GFRA2: variants seen among roughly 807,000 people sequenced by gnomAD.
The protein encoded by GFRA2 is GDNF family receptor alpha-2.
A neutral mutation model predicts 48.3 loss-of-function variants in GFRA2; 17 were observed. The observed-to-expected ratio is 0.35, with a 90% CI of 0.24 to 0.53. The LOEUF is 0.53. GFRA2 is among the 20% of genes least tolerant of loss of function. The pLI, the probability that GFRA2 is intolerant of heterozygous loss-of-function variation, is 0.93. For synonymous variants in GFRA2, 305 were observed against 257.2 expected, an observed-to-expected ratio of 1.19 and a Z score of -1.78; for missense variants, 660 against 637.3, an observed-to-expected ratio of 1.04 and a Z score of -0.38.
chr8:21,740,384 G>A lies in GFRA2; in HGVS notation c.794+10204C>T, dbSNP rs150029430. On this transcript the variant is annotated intron_variant, in intron 4 of 8. Transcript: ENST00000524240. The stretch of plus-strand genomic sequence containing the variant: ...AACTGGCCAACATTTCTCTAGCCCC[G>A]ATCAGGTTTCCGTAATCACCAATCC... Among the ~76,000 whole-genome samples the A allele has an allele frequency of 2.6e-3, 400 of 152,222 alleles. 2 individuals are homozygous for A. Among genetic ancestry groups the A allele is most frequent in the Middle Eastern group, 6.8e-3 (2 of 294 alleles).
At chr8:21,792,061 TA>T (rs1807582437), upstream of GFRA2, among the ~76,000 whole-genome samples, 2 of 152,122 alleles carry the variant, frequency 1.3e-5, no homozygotes, top group African/African-American at 2.4e-5. Context: ...TCACAGATCC[TA>T]GAGTCCAAAT....
intron 3 of GFRA2, among the ~76,000 whole-genome samples, chr8:21,767,688 G>A (rs1259716273): frequency 6.8e-6 from 1 of 146,836 alleles, no homozygotes; most frequent in Admixed American, 6.8e-5. Context: ...CAGGCAGGTG[G>A]CTCCCTGGAA....
chr8:21,781,177 G>T (rs1427492751), intron 2 of GFRA2, among the ~76,000 whole-genome samples: 2 of 152,040 alleles, frequency 1.3e-5, no homozygotes, highest in Admixed American at 1.3e-4. Flanking sequence ...AACTGTTCCT[G>T]GCCTGTATCA....
chr8:21,783,772 G>GC (rs1807131858), intron 1 of GFRA2, among the ~76,000 whole-genome samples: 1 of 151,064 alleles, frequency 6.6e-6, no homozygotes, highest in Non-Finnish European at 1.5e-5. Flanking sequence ...TGCCCCCCGC[G>GC]CCCCCTGCTC....
chr8:21,700,786 T>G (rs989730131), intron 7 of GFRA2, among the ~76,000 whole-genome samples: 1 of 152,070 alleles, frequency 6.6e-6, no homozygotes, highest in Non-Finnish European at 1.5e-5. Flanking sequence ...ACCTTGCCTC[T>G]CCCTCTAGGG....
At chr8:21,778,507 C>T (rs1398972687) in intron 2 of GFRA2, among the ~76,000 whole-genome samples, 1 of 152,258 alleles carries the variant, frequency 6.6e-6, no homozygotes, top group Non-Finnish European at 1.5e-5. Context: ...ACAGGGAACA[C>T]AGTTCCTACA....
chr8:21,701,997 T>G (rs1464368499), intron 7 of GFRA2, among the ~76,000 whole-genome samples: 1 of 152,056 alleles, frequency 6.6e-6, no homozygotes, highest in Non-Finnish European at 1.5e-5. Context: ...AGGCTCAGGA[T>G]GAAGGGTGCA....
At chr8:21,806,978 A>G (rs1807884697) in intron 1 of GFRA2, among the ~76,000 whole-genome samples, 1 of 152,146 alleles carries the variant, frequency 6.6e-6, no homozygotes, top group African/African-American at 2.4e-5. Context: ...CTTCCTAAAA[A>G]CAGAAACCAT....
chr8:21,708,400 A>G (rs961200228), intron 4 of GFRA2, among the ~76,000 whole-genome samples: 2 of 152,212 alleles, frequency 1.3e-5, no homozygotes, highest in African/African-American at 4.8e-5. Context: ...GGGAGTCTCC[A>G]TTCATGTCCC....
chr8:21,753,659 A>G (rs528583234), intron 3 of GFRA2, among the ~76,000 whole-genome samples: 510 of 152,340 alleles, frequency 3.3e-3, no homozygotes, highest in Non-Finnish European at 4.9e-3. Flanking sequence ...AAAATAATGT[A>G]AAGTATCTCA....
intron 8 of GFRA2, 150 bp downstream of exon 8, chr8:21,694,314 G>A (rs1262622603): frequency 2.8e-6 from 2 of 713,620 alleles, no homozygotes; most frequent in Admixed American, 4.8e-5. Flanking sequence ...CCCCACCCCA[G>A]CAGAGTAAGT....
intron 4 of GFRA2, among the ~76,000 whole-genome samples, chr8:21,730,881 A>C (rs146493689): frequency 2.6e-5 from 4 of 152,274 alleles, no homozygotes; most frequent in South Asian, 4.1e-4. Flanking sequence ...ACAGAATTTG[A>C]GATAAGTATT....
chr8:21,775,222 C>T (rs375862234), intron 2 of GFRA2, among the ~76,000 whole-genome samples, 167 bp from the exon 3 acceptor site: 1,713 of 152,328 alleles, frequency 0.011, 27 homozygotes, highest in African/African-American at 0.038. Flanking sequence ...GACCAGGGCA[C>T]ATTAGCAACG....
At chr8:21,783,695 C>G (rs1296252410) in intron 1 of GFRA2, among the ~76,000 whole-genome samples, 1 of 151,968 alleles carries the variant, frequency 6.6e-6, no homozygotes, top group African/African-American at 2.4e-5. Flanking sequence ...TCTCCTCTTC[C>G]GAGAGACAAG....
chr8:21,810,469 A>G (rs1807957800), intron 1 of GFRA2, among the ~76,000 whole-genome samples: 1 of 152,100 alleles, frequency 6.6e-6, no homozygotes, highest in African/African-American at 2.4e-5. Context: ...ATCTATGACC[A>G]CTTGGTGCCA....
At chr8:21,708,962 T>A (rs1389874333) in intron 4 of GFRA2, among the ~76,000 whole-genome samples, 1 of 152,212 alleles carries the variant, frequency 6.6e-6, no homozygotes, top group East Asian at 1.9e-4. Context: ...AAGACTTCAC[T>A]GTTTGCTTTG....
intron 3 of GFRA2, among the ~76,000 whole-genome samples, chr8:21,752,080 G>T (rs544125695): frequency 6.6e-6 from 1 of 152,124 alleles, no homozygotes; most frequent in African/African-American, 2.4e-5. Context: ...GCCTTTGTAA[G>T]CATGAATGAG....
At position 21,702,893 on chromosome 8, in the gene GFRA2, C is replaced by T. The variant is rs767618343; in HGVS notation, c.1130G>A (p.Arg377Gln). Residue 377 changes from arginine (R) to glutamine (Q), a missense_variant, in exon 7 of 9, where the codon CGG (arginine) becomes CAG (glutamine). Coordinates refer to ENST00000524240, the MANE Select transcript of GFRA2 (RefSeq NM_001495.5). ...GPSFQATQAPRVEKTPSLPDD... is the reference protein window; with the variant it reads ...GPSFQATQAPQVEKTPSLPDD... Reference sequence around the variant, plus strand: ...TGGCAAAGAAGGCGTCTTCTCCACCCGAGGGGCCTGGGTGGCCTGGAACGA... The same window carrying T: ...TGGCAAAGAAGGCGTCTTCTCCACCTGAGGGGCCTGGGTGGCCTGGAACGA... 37 of 1,604,696 alleles carry T rather than the reference C, an allele frequency of 2.3e-5. No individual in the cohort carries two copies. The highest frequency in any genetic ancestry group is 3.3e-5 in the South Asian group (3 of 89,856).
intron 4 of GFRA2, among the ~76,000 whole-genome samples, chr8:21,729,224 G>C (rs1804054174): frequency 6.6e-6 from 1 of 152,206 alleles, no homozygotes; most frequent in South Asian, 2.1e-4. Context: ...CAGCTACTCG[G>C]GAGGCTGAGG....
Sources: allele counts gnomAD v4.1 joint callset (sites outside exome capture counted in the v4.1 genomes callset), GRCh38; gene constraint gnomAD v4.1.1; transcripts MANE v1.5; gene names NCBI Gene and HGNC (gene_info 2026-07-23, HGNC 2026-07-21).